Variants in CNDP1 observed in about 807,000 individuals in gnomAD.
CNDP1 encodes carnosine dipeptidase 1.
A neutral mutation model predicts 58.1 loss-of-function variants in CNDP1; 44 were observed. The observed-to-expected ratio is 0.76, with a 90% CI of 0.60 to 0.97. The LOEUF (loss-of-function observed/expected upper bound fraction) is 0.97. Ranked by LOEUF, CNDP1 falls within the 50% of genes least tolerant of loss-of-function variation. The pLI, the probability that CNDP1 is intolerant of heterozygous loss-of-function variation, is 0.00. For missense variants in CNDP1, 616 were observed against 655.1 expected (o/e 0.94, Z 0.65); for synonymous variants, 254 against 252.6 (o/e 1.01, Z -0.05).
In CNDP1 at chr18:74,583,418, CCAAAG is replaced by C. The variant is rs373966594; in HGVS notation, c.1310-140_1310-136del. 466 of 681,708 alleles carry C rather than the reference CCAAAG, an allele frequency of 6.8e-4. 1 individual carries two copies. The African/African-American group carries it at 7.6e-3, about 11-fold the overall frequency. The allele number at this position is 681,708 out of a possible 1,614,324, so 42.2% of individuals were successfully genotyped here. On this transcript the variant is annotated intron_variant, in intron 10 of 11. Transcript: ENST00000358821. ...CATGATATCAAGGGGCTTCCTTACC[CCAAAG>C]CACCAAATCTAATGGTAAAAAAAGA... is the stretch of plus-strand genomic sequence containing the variant.
At position 74,537,739 on chromosome 18, in the gene CNDP1, G is replaced by A. The variant is rs532691148; in HGVS notation, c.24+3048G>A. Among the ~76,000 whole-genome samples the A allele has an allele frequency of 2.7e-4, 41 of 152,232 alleles. No homozygotes were observed. In the East Asian group the frequency reaches 3.5e-3, roughly 13 times the overall value. On this transcript the variant is annotated intron_variant, in intron 1 of 11. Coordinates refer to ENST00000358821, the MANE Select transcript of CNDP1 (RefSeq NM_032649.6). Reference sequence around the variant, plus strand: ...TCTAGTGCCCAGGCCCAGTCACTCCGGGCAAAGAGTGGTACCTGGGATATG... The same window carrying A: ...TCTAGTGCCCAGGCCCAGTCACTCCAGGCAAAGAGTGGTACCTGGGATATG...
chr18:74,571,512 TA>T (rs1981479902), intron 7 of CNDP1, among the ~76,000 whole-genome samples: 1 of 152,148 alleles, frequency 6.6e-6, no homozygotes, highest in Non-Finnish European at 1.5e-5. Flanking sequence ...TTGTGACACA[TA>T]GCCATACTTA....
At chr18:74,578,807 C>G (rs1981701119) in intron 9 of CNDP1, among the ~76,000 whole-genome samples, 1 of 152,144 alleles carries the variant, frequency 6.6e-6, no homozygotes, top group South Asian at 2.1e-4. Flanking sequence ...TGGACAGAAG[C>G]AGAAAGTCTC....
chr18:74,549,800 C>A (rs1347542585), intron 1 of CNDP1, among the ~76,000 whole-genome samples: 1 of 152,202 alleles, frequency 6.6e-6, no homozygotes, highest in African/African-American at 2.4e-5. Flanking sequence ...ATGGGCCAGA[C>A]CTGGGACAGC....
chr18:74,559,515 G>A, intron 3 of CNDP1, 43 bp downstream of exon 3: 1 of 1,573,760 alleles, frequency 6.4e-7, no homozygotes, highest in Non-Finnish European at 8.6e-7. Context: ...GCTACTTCTA[G>A]ACGTCAGTCA....
intron 6 of CNDP1, among the ~76,000 whole-genome samples, chr18:74,569,127 C>T (rs1441493378): frequency 2.0e-5 from 3 of 152,130 alleles, no homozygotes; most frequent in Non-Finnish European, 4.4e-5. Context: ...GAGCTGTCAT[C>T]AGAATGTGAG....
At chr18:74,543,523 A>G (rs1980681539) in intron 1 of CNDP1, among the ~76,000 whole-genome samples, 6 of 151,714 alleles carry the variant, frequency 4.0e-5, no homozygotes, top group Admixed American at 3.9e-4. Flanking sequence ...ATAAAATAAA[A>G]TAAAATAAAA....
chr18:74,568,784 G>A (rs1281080614), intron 6 of CNDP1, among the ~76,000 whole-genome samples: 1 of 152,154 alleles, frequency 6.6e-6, no homozygotes, highest in Non-Finnish European at 1.5e-5. Context: ...GAAGGGATGG[G>A]AGGATGAAGA....
At chr18:74,570,155 T>C (rs920699141) in intron 6 of CNDP1, among the ~76,000 whole-genome samples, 1 of 150,060 alleles carries the variant, frequency 6.7e-6, no homozygotes, top group African/African-American at 2.5e-5. Context: ...GCTGAGATCA[T>C]GTCACTGCAC....
chr18:74,566,057 G>A (rs1981320294), intron 5 of CNDP1, among the ~76,000 whole-genome samples: 1 of 152,228 alleles, frequency 6.6e-6, no homozygotes, highest in Non-Finnish European at 1.5e-5. Context: ...GCCAGGGCTT[G>A]GGGCTTCCAC....
Position 74,585,994 on chromosome 18 carries a change from C to CAAAAAAAAAAAAAAAAAAAAAAAAAAA in CNDP1, c.*1457_*1458insAAAAAAAAAAAAAAAAAAAAAAAAAAA. The stretch of plus-strand genomic sequence containing the variant: ...GGGCGACAGAGTGAGACTCCGTCTC[C>CAAAAAAAAAAAAAAAAAAAAAAAAAAA]AAAAAAAAAAAAAAAAAAAAAAAAA... On this transcript the variant is annotated 3_prime_UTR_variant, in exon 12 of 12. Transcript: ENST00000358821. The CAAAAAAAAAAAAAAAAAAAAAAAAAAA allele has an allele frequency of 1.5e-5, 1 of 68,208 alleles. No homozygotes were observed. Among genetic ancestry groups the CAAAAAAAAAAAAAAAAAAAAAAAAAAA allele is most frequent in the Non-Finnish European group, 2.6e-5 (1 of 39,048 alleles). 4.2% of individuals were successfully genotyped at this position (68,208 alleles called of 1,614,324 possible).
intron 9 of CNDP1, among the ~76,000 whole-genome samples, chr18:74,579,188 TCCTTCCCTTCCCTTGCCTTCCCTTC>T (rs1364190084): frequency 2.8e-4 from 33 of 118,522 alleles, no homozygotes; most frequent in African/African-American, 4.1e-4. Context: ...CTTCTCCCTT[TCCTTCCCTTCCCTTGCCTTCCCTTC>T]CCTTCCCTTC....
At chr18:74,542,851 C>T (rs994051351) in intron 1 of CNDP1, among the ~76,000 whole-genome samples, 2 of 152,156 alleles carry the variant, frequency 1.3e-5, no homozygotes, top group African/African-American at 4.8e-5. Context: ...CTGTAAGCCA[C>T]CAGTTTAAGA....
At chr18:74,560,291 G>A (rs1981155378) in intron 3 of CNDP1, among the ~76,000 whole-genome samples, 1 of 152,218 alleles carries the variant, frequency 6.6e-6, no homozygotes, top group Non-Finnish European at 1.5e-5. Flanking sequence ...TGGGATTACA[G>A]GCATGAGCCA....
At chr18:74,550,742 A>AT (rs34869467) in intron 1 of CNDP1, among the ~76,000 whole-genome samples, 252 of 146,092 alleles carry the variant, frequency 1.7e-3, no homozygotes, top group Non-Finnish European at 2.5e-3. Flanking sequence ...ACGCCCGACT[A>AT]TTTTTTTTTT....
intron 1 of CNDP1, among the ~76,000 whole-genome samples, chr18:74,535,954 C>T (rs185702301): frequency 2.6e-5 from 4 of 152,042 alleles, no homozygotes; most frequent in African/African-American, 9.7e-5. Flanking sequence ...ATGGCTTGAA[C>T]CTGGGAGGTC....
At chr18:74,583,102 G>A (rs1418664813) in intron 10 of CNDP1, among the ~76,000 whole-genome samples, 6 of 152,170 alleles carry the variant, frequency 3.9e-5, no homozygotes, top group East Asian at 1.9e-4. Flanking sequence ...CATCACCCAC[G>A]TTCAAGCGAT....
At chr18:74,549,587 G>T (rs984085112) in intron 1 of CNDP1, among the ~76,000 whole-genome samples, 1 of 152,152 alleles carries the variant, frequency 6.6e-6, no homozygotes, top group Non-Finnish European at 1.5e-5. Context: ...TGGCCATGTG[G>T]CAGAGAAAGA....
chr18:74,580,457 A>C (rs1001496975), intron 10 of CNDP1, among the ~76,000 whole-genome samples, 186 bp downstream of exon 10: 1 of 152,334 alleles, frequency 6.6e-6, no homozygotes, highest in African/African-American at 2.4e-5. Flanking sequence ...TCATCCTCCC[A>C]ATGGCCTTCC....
Sources: gnomAD v4.1 joint callset for allele counts (sites outside exome capture counted in the v4.1 genomes callset) on GRCh38, gnomAD v4.1.1 for gene constraint, MANE v1.5 for transcripts, NCBI Gene and HGNC (gene_info 2026-07-23, HGNC 2026-07-21) for gene names.